Variants in GALNT7 observed in about 807,000 individuals in gnomAD.
The protein encoded by GALNT7 is polypeptide N-acetylgalactosaminyltransferase 7.
In GALNT7, 60 loss-of-function variants were observed where a neutral mutation model predicts 82.1. The ratio of observed to expected loss-of-function variants is 0.73; its 90% CI spans 0.59 to 0.91. The LOEUF (loss-of-function observed/expected upper bound fraction) is 0.91. GALNT7 is among the 40% of genes least tolerant of loss of function. The probability of loss-of-function intolerance (pLI) is 0.00; values close to 1 mark genes in which losing one functional copy is unlikely to be tolerated. For synonymous variants in GALNT7, 243 were observed against 275.1 expected, an observed-to-expected ratio of 0.88 and a Z score of 1.15; for missense variants, 660 against 804.2, an observed-to-expected ratio of 0.82 and a Z score of 2.17.
intron 2 of GALNT7, among the ~76,000 whole-genome samples, chr4:173,279,127 G>T (rs1284415124): frequency 6.6e-6 from 1 of 152,146 alleles, no homozygotes; most frequent in Non-Finnish European, 1.5e-5. Context: ...GGTAATTTAT[G>T]AAGAAAAGAG....
chr4:173,282,886 G>A (rs537837688), intron 2 of GALNT7, among the ~76,000 whole-genome samples: 1 of 152,134 alleles, frequency 6.6e-6, no homozygotes, highest in Admixed American at 6.5e-5. Flanking sequence ...TAGCTTCCTT[G>A]GTTTGACCTT....
In GALNT7 at chr4:173,320,312, A is replaced by C. The variant is rs888354282; in HGVS notation, c.1837-1268A>C. 2.6e-5 allele frequency among the ~76,000 whole-genome samples: 4 copies of C among 152,184 alleles called. No individual in the cohort carries two copies. Among genetic ancestry groups the C allele is most frequent in the African/African-American group, 9.6e-5 (4 of 41,538 alleles). ...TCACTAGCAATATTTCCAGAACTGG[A>C]AAGTGTCTGAGAAATTTGTAAAGTT... is the stretch of plus-strand genomic sequence containing the variant. On this transcript the variant is annotated intron_variant, in intron 11 of 11. Transcript: ENST00000265000. This position sits in a 1 kb window ranked among gnomAD's most constrained non-coding sequence, Gnocchi z 4.1.
chr4:173,315,954 C>T (rs1225685198), intron 9 of GALNT7: 2 of 152,284 alleles, frequency 1.3e-5, no homozygotes, highest in Non-Finnish European at 2.9e-5. Flanking sequence ...AATCTGATCC[C>T]TTGTTGCCTG....
At position 173,246,273 on chromosome 4, in the gene GALNT7, G is replaced by A. The variant is rs542975123; in HGVS notation, c.127-1707G>A. Among the ~76,000 whole-genome samples the A allele has an allele frequency of 7.9e-5, 12 of 152,252 alleles. No individual in the cohort carries two copies. In the South Asian group the frequency reaches 2.5e-3, roughly 32 times the overall value. On this transcript the variant is annotated intron_variant, in intron 1 of 11. Transcript: ENST00000265000. ...ATTTGCATCTATTTGTAAATTCTTT[G>A]CAATATTCTTGATGTTTATGTTTGT...
chr4:173,309,171 G>A (rs1434283644), intron 8 of GALNT7, among the ~76,000 whole-genome samples: 1 of 152,210 alleles, frequency 6.6e-6, no homozygotes, highest in Non-Finnish European at 1.5e-5. Flanking sequence ...GAACGGGACT[G>A]TTTTAGTAGG....
intron 1 of GALNT7, among the ~76,000 whole-genome samples, chr4:173,200,007 T>A (rs1323998459): frequency 6.6e-6 from 1 of 152,180 alleles, no homozygotes; most frequent in African/African-American, 2.4e-5. Flanking sequence ...AAATTGGCAA[T>A]CCATGTATAG....
intron 1 of GALNT7, among the ~76,000 whole-genome samples, chr4:173,170,716 A>G (rs576867950): frequency 3.9e-5 from 6 of 152,328 alleles, no homozygotes; most frequent in African/African-American, 1.4e-4. Flanking sequence ...AAGTCATCAA[A>G]TGGCTTTTTA....
intron 1 of GALNT7, among the ~76,000 whole-genome samples, chr4:173,209,613 C>T (rs1196125000): frequency 1.3e-5 from 2 of 152,218 alleles, no homozygotes; most frequent in African/African-American, 2.4e-5. Flanking sequence ...CTAGTACCTC[C>T]CAGTCACCCA....
intron 8 of GALNT7, among the ~76,000 whole-genome samples, chr4:173,309,915 T>C (rs887374797): frequency 2.0e-5 from 3 of 152,188 alleles, no homozygotes; most frequent in Non-Finnish European, 4.4e-5. Context: ...AAAAGCCAAA[T>C]TGACTCAAAA....
chr4:173,250,072 A>G (rs1200126789), intron 2 of GALNT7, among the ~76,000 whole-genome samples: 1 of 152,156 alleles, frequency 6.6e-6, no homozygotes, highest in African/African-American at 2.4e-5. Flanking sequence ...GAGAGCTCTT[A>G]CCTGTGTGTG....
chr4:173,199,925 T>A (rs72711041), intron 1 of GALNT7, among the ~76,000 whole-genome samples: 8,446 of 152,296 alleles, frequency 0.055, 366 homozygotes, highest in Middle Eastern at 0.11. Context: ...TGCACCATGT[T>A]CCTTTTGAAT....
At chr4:173,248,601 C>T (rs987508181) in intron 2 of GALNT7, among the ~76,000 whole-genome samples, 161 bp downstream of exon 2, 1 of 152,008 alleles carries the variant, frequency 6.6e-6, no homozygotes, top group African/African-American at 2.4e-5. Context: ...GGAGGCAGTC[C>T]CTCCATTTAT....
chr4:173,244,829 TAAAAG>T (rs922463201), intron 1 of GALNT7, among the ~76,000 whole-genome samples: 1 of 152,070 alleles, frequency 6.6e-6, no homozygotes, highest in African/African-American at 2.4e-5. Flanking sequence ...GAAGGGTAGA[TAAAAG>T]AGAATAAAAA....
intron 2 of GALNT7, among the ~76,000 whole-genome samples, chr4:173,261,221 A>G (rs1042766803): frequency 2.0e-5 from 3 of 152,152 alleles, no homozygotes; most frequent in Non-Finnish European, 4.4e-5. Context: ...CCAGGACGCC[A>G]TCCTATCACA....
chr4:173,171,142 A>C (rs1320649675), intron 1 of GALNT7, among the ~76,000 whole-genome samples: 1 of 152,244 alleles, frequency 6.6e-6, no homozygotes, highest in East Asian at 1.9e-4. Flanking sequence ...TAGTAATACA[A>C]GCAATTTAAA....
intron 9 of GALNT7, 93 bp downstream of exon 9, chr4:173,314,269 G>T: frequency 1.1e-6 from 1 of 892,478 alleles, no homozygotes; most frequent in Non-Finnish European, 1.9e-6. Context: ...AAGTATTCTT[G>T]GGGAAAAGTT....
intron 1 of GALNT7, 78 bp from the exon 2 acceptor site, chr4:173,247,902 C>T (rs1030255192): frequency 6.6e-6 from 6 of 904,278 alleles, no homozygotes; most frequent in Non-Finnish European, 1.0e-5. Flanking sequence ...TTTTCAAAAC[C>T]TGAAAATTGG....
Position 173,292,607 on chromosome 4 carries a change from C to T in GALNT7, c.754+333C>T, listed in dbSNP as rs776114321. ...ATAAACATAGGTAGCATGAAAATAT[C>T]GTTCAAAATGGCTTTATAAAAAAGC... On this transcript the variant is annotated intron_variant, in intron 3 of 11. Transcript: ENST00000265000. The surrounding 1 kb of genome is among the most constrained non-coding windows in gnomAD (Gnocchi z 4.8). Among the ~76,000 whole-genome samples the T allele has an allele frequency of 3.9e-5, 6 of 152,102 alleles. No individual in the cohort carries two copies. The highest frequency in any genetic ancestry group is 7.2e-5 in the African/African-American group (3 of 41,436).
intron 8 of GALNT7, among the ~76,000 whole-genome samples, chr4:173,305,621 A>G (rs891278579): frequency 2.6e-5 from 4 of 152,124 alleles, no homozygotes; most frequent in Non-Finnish European, 5.9e-5. Context: ...TCTTTTGCAT[A>G]TGGATATCTA....
Sources: gnomAD v4.1 joint callset for allele counts (sites outside exome capture counted in the v4.1 genomes callset) on GRCh38, gnomAD v4.1.1 for gene constraint, Gnocchi (gnomAD v3.1) non-coding constraint, MANE v1.5 for transcripts, NCBI Gene and HGNC (gene_info 2026-07-23, HGNC 2026-07-21) for gene names.